Variants in PCDHA3 observed in about 807,000 individuals in gnomAD.
PCDHA3 encodes the protein protocadherin alpha 3.
PCDHA3 carries 41 observed loss-of-function variants against 62.2 expected under a neutral mutation model. The ratio of observed to expected loss-of-function variants is 0.66; its 90% confidence interval spans 0.51 to 0.86. PCDHA3 has a LOEUF of 0.86. Among genes scored for constraint, PCDHA3 ranks in the 40% least tolerant of loss-of-function variants. The pLI is 0.00. For synonymous variants in PCDHA3, 640 were observed against 555.4 expected, an observed-to-expected ratio of 1.15 and a Z score of -2.14; for missense variants, 1,304 against 1,241.2, an observed-to-expected ratio of 1.05 and a Z score of -0.76.
At chr5:141,000,395 CTATATATA>C (rs1190667031) in intron 3 of PCDHA3, among the ~76,000 whole-genome samples, 7 of 53,980 alleles carry the variant, frequency 1.3e-4, no homozygotes, top group South Asian at 8.9e-4. Flanking sequence ...CTCTCTCTCT[CTATATATA>C]TATATATATA....
chr5:140,972,700 T>C (rs1353443535), intron 1 of PCDHA3, among the ~76,000 whole-genome samples: 3 of 147,702 alleles, frequency 2.0e-5, no homozygotes, highest in African/African-American at 7.5e-5. Context: ...AGTCTCACTC[T>C]GTTGCCAGGC....
intron 1 of PCDHA3, among the ~76,000 whole-genome samples, chr5:140,940,458 C>T (rs1041159084): frequency 4.0e-5 from 6 of 151,806 alleles, no homozygotes; most frequent in African/African-American, 1.5e-4. Context: ...TTATAGGTTT[C>T]TGTTCCCTGC....
Position 140,845,229 on chromosome 5 carries a change from T to A in PCDHA3, c.2394+41638T>A, listed in dbSNP as rs189699970. Among the ~76,000 whole-genome samples, 147 of 149,698 alleles carry A rather than the reference T, an allele frequency of 9.8e-4. 9 individuals are homozygous for A. The highest frequency in any genetic ancestry group is 3.4e-3 in the African/African-American group (141 of 40,992). ...TAAGTCCTTTTAAAAAATATGATTA[T>A]CTTTATTATCCTGTTTGAATAATAT... On this transcript the variant is annotated intron_variant, in intron 1 of 3. Coordinates refer to ENST00000522353, the MANE Select transcript of PCDHA3 (RefSeq NM_018906.3).
intron 1 of PCDHA3, chr5:140,830,271 C>A (rs2150183888): frequency 2.5e-6 from 4 of 1,613,702 alleles, no homozygotes; most frequent in East Asian, 2.2e-5. Flanking sequence ...TCGGCGCCAC[C>A]CACCGAGGGC....
At chr5:140,909,025 T>C (rs1226589511) in intron 1 of PCDHA3, among the ~76,000 whole-genome samples, 1 of 152,156 alleles carries the variant, frequency 6.6e-6, no homozygotes, top group African/African-American at 2.4e-5. Context: ...TGAATTTTAG[T>C]CATTTATTTT....
chr5:140,888,355 T>C (rs1192266455), intron 1 of PCDHA3, among the ~76,000 whole-genome samples: 1 of 152,214 alleles, frequency 6.6e-6, no homozygotes, highest in Non-Finnish European at 1.5e-5. Context: ...GAATTGCTAC[T>C]GGCATCTAAT....
At chr5:140,852,885 ATT>A (rs879977429) in intron 1 of PCDHA3, 59 of 776,660 alleles carry the variant, frequency 7.6e-5, no homozygotes, top group Non-Finnish European at 8.1e-5. Flanking sequence ...CATAAAACGT[ATT>A]TTTTTTTTTG....
chr5:140,836,554 C>T, intron 1 of PCDHA3: 1 of 1,613,764 alleles, frequency 6.2e-7, no homozygotes, highest in Non-Finnish European at 8.5e-7. Flanking sequence ...TTGCGGTGCT[C>T]AGCGCCGTCC....
chr5:140,802,493 G>A lies in PCDHA3; in HGVS notation c.1296G>A (p.Ser432=), dbSNP rs782338316. The A allele has an allele frequency of 1.2e-6, 2 of 1,614,166 alleles. No homozygotes were observed. Among genetic ancestry groups the A allele is most frequent in the Admixed American group, 1.7e-5 (1 of 60,028 alleles). Residue 432 remains serine, a synonymous_variant, in exon 1 of 4, where the codon TCG becomes TCA. Coordinates refer to ENST00000522353, the MANE Select transcript of PCDHA3 (RefSeq NM_018906.3). ...TGGTGACTGCTCGGGACGGGGGCTC[G>A]CCTTCACTGTGGGCCACGGCCAGCG... The part of the protein sequence containing the change: ...ELVVTARDGG[S]PSLWATASVS...
intron 1 of PCDHA3, among the ~76,000 whole-genome samples, chr5:140,934,224 AT>A: frequency 6.6e-6 from 1 of 152,246 alleles, no homozygotes. Context: ...TGTTTAAAAG[AT>A]TTGTACTTAA....
At position 140,969,258 on chromosome 5, in the gene PCDHA3, A is replaced by T. The variant is rs782513796; in HGVS notation, c.2395-9691A>T. ...CAAGCAGCAGTGACTGACAGCAGGA[A>T]TCTCACAGGCCAAAGTGGTCAGAAT... On this transcript the variant is annotated intron_variant, in intron 1 of 3. Transcript: ENST00000522353. The T allele has an allele frequency of 3.7e-6, 6 of 1,614,106 alleles. No homozygotes were observed. The East Asian group carries it at 1.3e-4, about 36-fold the overall frequency.
intron 1 of PCDHA3, chr5:140,929,179 G>C: frequency 6.2e-7 from 1 of 1,614,104 alleles, no homozygotes. Context: ...TCTGGGACTT[G>C]GTTCTGATAA....
intron 1 of PCDHA3, among the ~76,000 whole-genome samples, chr5:140,944,993 G>A (rs529303280): frequency 6.6e-5 from 10 of 152,054 alleles, no homozygotes; most frequent in African/African-American, 2.2e-4. Context: ...CTTCTGTAAC[G>A]GTTGTGGGTC....
intron 1 of PCDHA3, among the ~76,000 whole-genome samples, chr5:140,953,512 C>G (rs2094896275): frequency 6.6e-6 from 1 of 152,106 alleles, no homozygotes; most frequent in Non-Finnish European, 1.5e-5. Context: ...TAGGCCAAAG[C>G]AACAAAAACG....
chr5:140,900,840 T>C (rs6874218), intron 1 of PCDHA3, among the ~76,000 whole-genome samples: 1 of 151,950 alleles, frequency 6.6e-6, no homozygotes, highest in Admixed American at 6.6e-5. Flanking sequence ...ATGTACAAAG[T>C]TTCCCTTTTT....
In PCDHA3 at chr5:140,941,191, T is replaced by C. The variant is rs184104978; in HGVS notation, c.2395-37758T>C. Among the ~76,000 whole-genome samples the C allele has an allele frequency of 2.1e-3, 199 of 93,252 alleles. 3 individuals are homozygous for C. Among genetic ancestry groups the C allele is most frequent in the South Asian group, 0.011 (39 of 3,542 alleles). The allele number at this position is 93,252 out of a possible 152,430, so 61.2% of individuals were successfully genotyped here. A position where few individuals can be genotyped will look rare whatever the true frequency, so the allele number is the denominator to read the frequency against. On this transcript the variant is annotated intron_variant, in intron 1 of 3. Transcript: ENST00000522353. ...CATCTTGAACATCCTGCTTCTTTTT[T>C]TTTCTTTCTTCCTTTCTTTCTTCCT...
At chr5:140,989,533 T>C (rs114286041) in intron 3 of PCDHA3, among the ~76,000 whole-genome samples, 1,576 of 152,276 alleles carry the variant, frequency 0.01, 12 homozygotes, top group Middle Eastern at 0.058. Flanking sequence ...AGGAGGAAGA[T>C]AGTTTGTAAT....
chr5:140,998,855 C>T (rs544471391), intron 3 of PCDHA3, among the ~76,000 whole-genome samples: 63 of 152,320 alleles, frequency 4.1e-4, no homozygotes, highest in Admixed American at 2.1e-3. Context: ...GAGCCACATG[C>T]CTGGCCTTGT....
intron 1 of PCDHA3, chr5:140,875,344 A>G: frequency 1.4e-6 from 2 of 1,442,996 alleles, no homozygotes; most frequent in East Asian, 2.5e-5. Context: ...TCGACTCCAT[A>G]ATGACTGTGA....
Sources: gnomAD v4.1 joint callset for allele counts (sites outside exome capture counted in the v4.1 genomes callset) on GRCh38, gnomAD v4.1.1 for gene constraint, MANE v1.5 for transcripts, NCBI Gene and HGNC (gene_info 2026-07-23, HGNC 2026-07-21) for gene names.